HMGA2: variants seen among roughly 807,000 people sequenced by gnomAD.
The protein encoded by HMGA2 is high mobility group protein HMGI-C.
A neutral mutation model predicts 19.1 loss-of-function variants in HMGA2; 8 were observed. That is an observed-to-expected ratio of 0.42 (90% CI 0.25 to 0.76). The LOEUF (loss-of-function observed/expected upper bound fraction) is 0.76, where lower values mean the gene tolerates loss of function less well. HMGA2 is among the 30% of genes least tolerant of loss of function. The pLI is 0.28. For missense variants in HMGA2, 109 were observed against 136.3 expected (o/e 0.80, Z 1.00); for synonymous variants, 60 against 48.8 (o/e 1.23, Z -0.96).
chr12:65,893,125 A>T (rs2121145212), intron 3 of HMGA2, among the ~76,000 whole-genome samples: 1 of 152,214 alleles, frequency 6.6e-6, no homozygotes, highest in Non-Finnish European at 1.5e-5. Flanking sequence ...CTCAGCCCCC[A>T]TTTCCTGTGG....
chr12:65,839,725 T>C (rs548922285), intron 3 of HMGA2, among the ~76,000 whole-genome samples: 1 of 152,292 alleles, frequency 6.6e-6, no homozygotes, highest in African/African-American at 2.4e-5. Context: ...CAACCTTCTG[T>C]TCATTAAATT....
At chr12:65,920,304 T>C (rs1875258969) in intron 3 of HMGA2, among the ~76,000 whole-genome samples, 1 of 152,154 alleles carries the variant, frequency 6.6e-6, no homozygotes, top group Non-Finnish European at 1.5e-5. Flanking sequence ...ATTTCCTGGA[T>C]TCTTAAGTTT....
intron 3 of HMGA2, among the ~76,000 whole-genome samples, chr12:65,848,804 C>T (rs1348024303): frequency 1.3e-5 from 2 of 151,814 alleles, no homozygotes; most frequent in African/African-American, 4.8e-5. Context: ...TGCAGTGAGC[C>T]GAGATTGCGC....
intron 4 of HMGA2, among the ~76,000 whole-genome samples, chr12:65,961,532 C>A (rs984825310): frequency 3.9e-5 from 6 of 152,152 alleles, no homozygotes; most frequent in African/African-American, 1.4e-4. Context: ...CCCACAAAAC[C>A]CAAAGCAGAC....
intron 3 of HMGA2, among the ~76,000 whole-genome samples, chr12:65,877,536 C>T (rs1040518730): frequency 6.6e-6 from 1 of 152,164 alleles, no homozygotes; most frequent in African/African-American, 2.4e-5. Flanking sequence ...GAGCTGGTCT[C>T]TCCAAAGTTC....
Position 65,825,147 on chromosome 12 carries a change from C to T in HMGA2, c.-124C>T. 1 of 758,904 alleles carries T rather than the reference C, an allele frequency of 1.3e-6. No individual in the cohort carries two copies. Among genetic ancestry groups the T allele is most frequent in the Non-Finnish European group, 2.0e-6 (1 of 501,346 alleles). 47.0% of individuals were successfully genotyped at this position (758,904 alleles called of 1,614,324 possible). On this transcript the variant is annotated 5_prime_UTR_variant, in exon 1 of 5. Transcript: ENST00000403681. The surrounding 1 kb of genome is among the most constrained non-coding windows in gnomAD (Gnocchi z 4.4). ...AAGCAACAGCAGCCCTCGCAGCCCG[C>T]CAGCTCGCGCTCGCCCCGCCGGCGT...
intron 3 of HMGA2, among the ~76,000 whole-genome samples, chr12:65,900,250 T>C (rs2121172565): frequency 6.6e-6 from 1 of 152,290 alleles, no homozygotes; most frequent in South Asian, 2.1e-4. Context: ...CCTCTCTGCA[T>C]TCTCTAGGAG....
intron 3 of HMGA2, among the ~76,000 whole-genome samples, chr12:65,929,998 G>A (rs1875650826): frequency 6.6e-6 from 1 of 152,154 alleles, no homozygotes; most frequent in East Asian, 1.9e-4. Flanking sequence ...AACCATGAAA[G>A]ATAGAAAAAG....
intron 2 of HMGA2, among the ~76,000 whole-genome samples, chr12:65,837,149 A>G (rs1327395500): frequency 1.3e-5 from 2 of 152,216 alleles, no homozygotes; most frequent in African/African-American, 4.8e-5. Flanking sequence ...GTGACTGACA[A>G]TCGAGTGCCT....
At chr12:65,946,080 G>T (rs1278871819) in intron 3 of HMGA2, among the ~76,000 whole-genome samples, 2 of 152,070 alleles carry the variant, frequency 1.3e-5, no homozygotes, top group African/African-American at 4.8e-5. Context: ...ATGCTATTTT[G>T]TGAGGTGTGA....
intron 3 of HMGA2, among the ~76,000 whole-genome samples, chr12:65,919,588 A>G (rs1398055925): frequency 1.3e-5 from 2 of 152,274 alleles, no homozygotes; most frequent in African/African-American, 4.8e-5. Context: ...TTAAACATTT[A>G]TGTAAATCTG....
At chr12:65,933,947 C>A (rs1875806046) in intron 3 of HMGA2, among the ~76,000 whole-genome samples, 2 of 152,100 alleles carry the variant, frequency 1.3e-5, no homozygotes, top group African/African-American at 4.8e-5. Context: ...ACAGAGTATG[C>A]CCAGATATGA....
intron 3 of HMGA2, chr12:65,858,850 C>G (rs1871889959): frequency 6.6e-6 from 1 of 152,170 alleles, no homozygotes; most frequent in Non-Finnish European, 1.5e-5. Flanking sequence ...TTATTCTAAT[C>G]AACTGGACTG....
chr12:65,947,978 C>A (rs2121306123), intron 3 of HMGA2, among the ~76,000 whole-genome samples: 1 of 152,180 alleles, frequency 6.6e-6, no homozygotes. Context: ...CTCGATTTGA[C>A]TTTTTTCTTT....
At chr12:65,920,322 G>A (rs546910101) in intron 3 of HMGA2, among the ~76,000 whole-genome samples, 1 of 152,244 alleles carries the variant, frequency 6.6e-6, no homozygotes, top group African/African-American at 2.4e-5. Context: ...TTTAGAGACT[G>A]TGAATCTGGG....
Position 65,879,155 on chromosome 12 carries a change from T to C in HMGA2, c.249+40586T>C, listed in dbSNP as rs796872869. Among the ~76,000 whole-genome samples, 26 of 152,372 alleles carry C rather than the reference T, an allele frequency of 1.7e-4. 1 individual carries two copies. The highest frequency in any genetic ancestry group is 6.3e-4 in the African/African-American group (26 of 41,590). On this transcript the variant is annotated intron_variant, in intron 3 of 4. Coordinates refer to ENST00000403681, the MANE Select transcript of HMGA2 (RefSeq NM_003483.6). The stretch of plus-strand genomic sequence containing the variant: ...ACTTTTTTTTATTTTTGAGACAGTG[T>C]CTAGCTCTGTCGCCCAGGCGGGAGT...
intron 3 of HMGA2, chr12:65,914,962 A>G (rs781078031): frequency 3.9e-6 from 6 of 1,537,698 alleles, no homozygotes; most frequent in Non-Finnish European, 5.4e-6. Flanking sequence ...GGCGTGAGCC[A>G]TCGTGCCTGG....
intron 3 of HMGA2, among the ~76,000 whole-genome samples, chr12:65,910,123 C>A (rs954251577): frequency 6.6e-6 from 1 of 152,180 alleles, no homozygotes; most frequent in East Asian, 1.9e-4. Context: ...GCAATGAAGA[C>A]GAGGCTCCTG....
At chr12:65,854,946 T>C (rs1306323646) in intron 3 of HMGA2, among the ~76,000 whole-genome samples, 2 of 152,192 alleles carry the variant, frequency 1.3e-5, no homozygotes, top group African/African-American at 4.8e-5. Flanking sequence ...GGCAAAATCA[T>C]AGGTGGGCTT....
Sources: gnomAD v4.1 joint callset for allele counts (sites outside exome capture counted in the v4.1 genomes callset) on GRCh38, gnomAD v4.1.1 for gene constraint, Gnocchi (gnomAD v3.1) non-coding constraint, MANE v1.5 for transcripts, NCBI Gene and HGNC (gene_info 2026-07-23, HGNC 2026-07-21) for gene names.